PDXP: variants seen among roughly 807,000 people sequenced by gnomAD.
PDXP encodes the protein pyridoxal phosphatase, also known as chronophin.
A neutral mutation model predicts 14.4 loss-of-function variants in PDXP; 15 were observed. The ratio of observed to expected loss-of-function variants is 1.04; its 90% CI spans 0.70 to 1.60. The LOEUF is 1.60. Among genes scored for constraint, PDXP ranks in the 40% most tolerant of loss-of-function variants. The probability of loss-of-function intolerance (pLI) is 0.00; values close to 1 mark genes in which losing one functional copy is unlikely to be tolerated. For synonymous variants in PDXP, 233 were observed against 205.6 expected, an observed-to-expected ratio of 1.13 and a Z score of -1.14; for missense variants, 413 against 427.6, an observed-to-expected ratio of 0.97 and a Z score of 0.30.
In PDXP at chr22:37,658,773, G is replaced by T. The variant is rs1202567593; in HGVS notation, c.-10G>T. ...AGCGCGGCGCGGGAGGCCGGCGGCCGGCCGGCTGCATGGCGCGCTGCGAGA... is the reference window on the plus strand; with the variant it reads ...AGCGCGGCGCGGGAGGCCGGCGGCCTGCCGGCTGCATGGCGCGCTGCGAGA... On this transcript the variant is annotated 5_prime_UTR_variant, in exon 1 of 2. Transcript: ENST00000215904. 114 of 1,165,122 alleles carry T rather than the reference G, an allele frequency of 9.8e-5. No individual in the cohort carries two copies. The highest frequency in any genetic ancestry group is 1.2e-4 in the Non-Finnish European group (109 of 945,176). The allele number at this position is 1,165,122 out of a possible 1,614,324, so 72.2% of individuals were successfully genotyped here.
At position 37,665,959 on chromosome 22, in the gene PDXP, C is replaced by T. The variant is rs1008519389; in HGVS notation, c.*88C>T. Reference sequence around the variant, plus strand: ...GATGGGTCACGAGCCATGTTAAGCACAACCGGCTCCTTGGTCCAGTTCTGC... The same window carrying T: ...GATGGGTCACGAGCCATGTTAAGCATAACCGGCTCCTTGGTCCAGTTCTGC... On this transcript the variant is annotated 3_prime_UTR_variant, in exon 2 of 2. Transcript: ENST00000215904. 11 of 1,345,864 alleles carry T rather than the reference C, an allele frequency of 8.2e-6. No homozygotes were observed. The African/African-American group carries it at 1.4e-4, about 18-fold the overall frequency. 83.4% of individuals were successfully genotyped at this position (1,345,864 alleles called of 1,614,324 possible). A position where few individuals can be genotyped will look rare whatever the true frequency, so the allele number is the denominator to read the frequency against.
chr22:37,664,900 CTCT>C (rs1921015046), intron 1 of PDXP: 1 of 152,916 alleles, frequency 6.5e-6, no homozygotes, highest in Admixed American at 6.5e-5. Context: ...AGCTGGAATT[CTCT>C]TCTTGTGATC....
chr22:37,658,777 G>A lies in PDXP; in HGVS notation c.-6G>A, dbSNP rs1291157721. The A allele has an allele frequency of 1.2e-5, 14 of 1,168,338 alleles. No homozygotes were observed. In the South Asian group the frequency reaches 2.1e-4, roughly 18 times the overall value. The allele number at this position is 1,168,338 out of a possible 1,614,324, so 72.4% of individuals were successfully genotyped here. A position where few individuals can be genotyped will look rare whatever the true frequency, so the allele number is the denominator to read the frequency against. On this transcript the variant is annotated 5_prime_UTR_variant, in exon 1 of 2. Coordinates refer to ENST00000215904, the MANE Select transcript of PDXP (RefSeq NM_020315.5). ...CGGCGCGGGAGGCCGGCGGCCGGCCGGCTGCATGGCGCGCTGCGAGAGGCT... is the reference window on the plus strand; with the variant it reads ...CGGCGCGGGAGGCCGGCGGCCGGCCAGCTGCATGGCGCGCTGCGAGAGGCT...
At position 37,665,760 on chromosome 22, in the gene PDXP, A is replaced by C; in HGVS notation, c.780A>C (p.Gly260=). ...CGMTTVLTLT[G]VSRLEEAQAY... ...TGACCACTGTGCTCACGCTCACAGG[A>C]GTCTCCCGCCTAGAAGAGGCCCAGG... The change falls in exon 2 of 2, where the codon GGA becomes GGC. Residue 260 remains glycine (G), a synonymous_variant. Coordinates refer to ENST00000215904, the MANE Select transcript of PDXP (RefSeq NM_020315.5). The C allele has an allele frequency of 6.2e-7, 1 of 1,614,062 alleles. No individual in the cohort carries two copies. Among genetic ancestry groups the C allele is most frequent in the Non-Finnish European group, 8.5e-7 (1 of 1,180,032 alleles).
At chr22:37,661,789 G>T (rs769582748) in intron 1 of PDXP, among the ~76,000 whole-genome samples, 5 of 152,280 alleles carry the variant, frequency 3.3e-5, no homozygotes, top group Non-Finnish European at 5.9e-5. Flanking sequence ...TGGTGGGGAA[G>T]GACAGAGTTG....
At position 37,659,007 on chromosome 22, in the gene PDXP, C is replaced by G; in HGVS notation, c.225C>G (p.Leu75=). The G allele has an allele frequency of 1.7e-6, 2 of 1,193,624 alleles. No individual in the cohort carries two copies. Among genetic ancestry groups the G allele is most frequent in the Non-Finnish European group, 2.1e-6 (2 of 959,954 alleles). 73.9% of individuals were successfully genotyped at this position (1,193,624 alleles called of 1,614,324 possible). A position where few individuals can be genotyped will look rare whatever the true frequency, so the allele number is the denominator to read the frequency against. The change falls in exon 1 of 2, where the codon CTC becomes CTG. Residue 75 remains leucine (L), a synonymous_variant. Coordinates refer to ENST00000215904, the MANE Select transcript of PDXP (RefSeq NM_020315.5). ...AGCTGGCCCTGCGCTTCGCGCGCCTCGGCTTCGGGGGGCTGCGCGCCGAGC... is the reference window on the plus strand; with the variant it reads ...AGCTGGCCCTGCGCTTCGCGCGCCTGGGCTTCGGGGGGCTGCGCGCCGAGC... ...RPELALRFAR[L]GFGGLRAEQL...
At position 37,658,808 on chromosome 22, in the gene PDXP, G is replaced by A. The variant is rs993540888; in HGVS notation, c.26G>A (p.Gly9Glu). 3.4e-6 allele frequency: 4 copies of A among 1,180,810 alleles called. No individual in the cohort carries two copies. In the African/African-American group the frequency reaches 6.4e-5, roughly 19 times the overall value. The allele number at this position is 1,180,810 out of a possible 1,614,324, so 73.1% of individuals were successfully genotyped here. A position where few individuals can be genotyped will look rare whatever the true frequency, so the allele number is the denominator to read the frequency against. MARCERLRGAALRDVLGRA... is the reference protein window; with the variant it reads MARCERLREAALRDVLGRA... Reference sequence around the variant, plus strand: ...ATGGCGCGCTGCGAGAGGCTGCGCGGAGCGGCCCTGCGCGACGTGCTGGGC... The same window carrying A: ...ATGGCGCGCTGCGAGAGGCTGCGCGAAGCGGCCCTGCGCGACGTGCTGGGC... The change falls in exon 1 of 2, where the codon GGA becomes GAA. Residue 9 changes from glycine to glutamate, a missense_variant. Coordinates refer to ENST00000215904, the MANE Select transcript of PDXP (RefSeq NM_020315.5).
chr22:37,665,006 C>T (rs1348680134), intron 1 of PDXP: 1 of 157,548 alleles, frequency 6.3e-6, no homozygotes, highest in East Asian at 1.9e-4. Context: ...TAACGCCAGC[C>T]GCGTGAATTC....
At chr22:37,661,088 C>T (rs961130419) in intron 1 of PDXP, among the ~76,000 whole-genome samples, 2 of 152,174 alleles carry the variant, frequency 1.3e-5, no homozygotes, top group Non-Finnish European at 2.9e-5. Flanking sequence ...CAGGTTAAGG[C>T]TGTGGGTTAA....
intron 1 of PDXP, among the ~76,000 whole-genome samples, chr22:37,663,926 T>G (rs1162878039): frequency 1.5e-5 from 1 of 65,368 alleles, no homozygotes; most frequent in Non-Finnish European, 3.7e-5. Flanking sequence ...TGACTTTTTT[T>G]TTTTTTTTTT....
Position 37,659,154 on chromosome 22 carries a change from C to T in PDXP, c.372C>T (p.Ala124=), listed in dbSNP as rs1283139961. 1.3e-5 allele frequency: 14 copies of T among 1,056,700 alleles called. No homozygotes were observed. The highest frequency in any genetic ancestry group is 6.9e-5 in the African/African-American group (4 of 58,386). The allele number at this position is 1,056,700 out of a possible 1,614,324, so 65.5% of individuals were successfully genotyped here. ...GGEGLRAELR[A]AGLRLAGDPS... ...AGGGGCTGCGCGCCGAGCTGCGCGC[C>T]GCGGGGCTGCGCCTGGCCGGGGACC... The change falls in exon 1 of 2, where the codon GCC becomes GCT. Residue 124 remains alanine, a synonymous_variant. Transcript: ENST00000215904.
At position 37,665,685 on chromosome 22, in the gene PDXP, G is replaced by T; in HGVS notation, c.705G>T (p.Met235Ile). 1 of 1,614,150 alleles carries T rather than the reference G, an allele frequency of 6.2e-7. No homozygotes were observed. Among genetic ancestry groups the T allele is most frequent in the Non-Finnish European group, 8.5e-7 (1 of 1,180,036 alleles). Residue 235 changes from methionine (M) to isoleucine (I), a missense_variant, in exon 2 of 2, where the codon ATG (methionine) becomes ATT (isoleucine). Transcript: ENST00000215904. ...NFSIDPARTL[M>I]VGDRLETDIL... is the part of the protein sequence containing the mutation. ...GCATCGACCCCGCACGCACGCTTAT[G>T]GTGGGTGACCGCCTGGAGACCGACA...
rs1413329769 is a variant in PDXP at position 37,659,060 on chromosome 22, C to CGCGCCTGCT, written c.284_292dup (p.Leu95_Arg97dup). 2.6e-5 allele frequency: 29 copies of CGCGCCTGCT among 1,123,452 alleles called. No individual in the cohort carries two copies. The highest frequency in any genetic ancestry group is 4.2e-5 in the South Asian group (1 of 23,554). 69.6% of individuals were successfully genotyped at this position (1,123,452 alleles called of 1,614,324 possible). On this transcript the variant is annotated inframe_insertion, in exon 1 of 2. Coordinates refer to ENST00000215904, the MANE Select transcript of PDXP (RefSeq NM_020315.5). ...CTCTTCAGCTCCGCGCTGTGCGCCG[C>CGCGCCTGCT]GCGCCTGCTGCGCCAGCGCCTGCCC...
intron 1 of PDXP, among the ~76,000 whole-genome samples, chr22:37,663,425 A>G (rs1384372503): frequency 6.6e-6 from 1 of 151,868 alleles, no homozygotes; most frequent in African/African-American, 2.4e-5. Context: ...TTTAATCTCA[A>G]ACTCCTGGGC....
rs894497372 is a variant in PDXP, at chr22:37,658,779, C to G, written c.-4C>G. 6 of 1,168,970 alleles carry G rather than the reference C, an allele frequency of 5.1e-6. No individual in the cohort carries two copies. Among genetic ancestry groups the G allele is most frequent in the African/African-American group, 1.6e-5 (1 of 61,856 alleles). The allele number at this position is 1,168,970 out of a possible 1,614,324, so 72.4% of individuals were successfully genotyped here. ...GCGCGGGAGGCCGGCGGCCGGCCGG[C>G]TGCATGGCGCGCTGCGAGAGGCTGC... On this transcript the variant is annotated 5_prime_UTR_variant, in exon 1 of 2. Coordinates refer to ENST00000215904, the MANE Select transcript of PDXP (RefSeq NM_020315.5).
intron 1 of PDXP, among the ~76,000 whole-genome samples, chr22:37,663,276 C>T (rs1393079833): frequency 6.7e-6 from 1 of 150,028 alleles, no homozygotes. Context: ...TGCACTTAAG[C>T]CTGGGCAACA....
chr22:37,659,040 C>A lies in PDXP; in HGVS notation c.258C>A (p.Phe86Leu). ...GFGGLRAEQL[F>L]SSALCAARLL... ...GGGGGCTGCGCGCCGAGCAGCTCTT[C>A]AGCTCCGCGCTGTGCGCCGCGCGCC... Residue 86 changes from phenylalanine to leucine, a missense_variant, in exon 1 of 2, where the codon TTC becomes TTA. Coordinates refer to ENST00000215904, the MANE Select transcript of PDXP (RefSeq NM_020315.5). 2 of 1,149,124 alleles carry A rather than the reference C, an allele frequency of 1.7e-6. No homozygotes were observed. Among genetic ancestry groups the A allele is most frequent in the South Asian group, 4.0e-5 (1 of 25,130 alleles). 71.2% of individuals were successfully genotyped at this position (1,149,124 alleles called of 1,614,324 possible). A position where few individuals can be genotyped will look rare whatever the true frequency, so the allele number is the denominator to read the frequency against.
chr22:37,666,348 A>T lies in PDXP; in HGVS notation c.*477A>T, dbSNP rs533481538. ...AAGGCTAAGTGATAGTGACTCATCA[A>T]TGTTGGGTCCTGTGGGGTACCAGTT... On this transcript the variant is annotated 3_prime_UTR_variant, in exon 2 of 2. Coordinates refer to ENST00000215904, the MANE Select transcript of PDXP (RefSeq NM_020315.5). 1 of 194,456 alleles carries T rather than the reference A, an allele frequency of 5.1e-6. No individual in the cohort carries two copies. Among genetic ancestry groups the T allele is most frequent in the Non-Finnish European group, 1.2e-5 (1 of 83,164 alleles). The allele number at this position is 194,456 out of a possible 1,614,324, so 12.0% of individuals were successfully genotyped here.
intron 1 of PDXP, among the ~76,000 whole-genome samples, chr22:37,661,581 T>A (rs1933203945): frequency 6.6e-6 from 1 of 151,764 alleles, no homozygotes. Context: ...GATTACAGAG[T>A]GGAGGGGAGT....
Sources: allele counts gnomAD v4.1 joint callset (sites outside exome capture counted in the v4.1 genomes callset), GRCh38; gene constraint gnomAD v4.1.1; transcripts MANE v1.5; gene names NCBI Gene and HGNC (gene_info 2026-07-23, HGNC 2026-07-21).